CHST12: variants seen among roughly 807,000 people sequenced by gnomAD.
CHST12 encodes the protein carbohydrate (chondroitin 4) sulfotransferase 12.
In CHST12, 23 loss-of-function variants were observed where a neutral mutation model predicts 27.9. That is an observed-to-expected ratio of 0.82 (90% CI 0.59 to 1.17). The LOEUF is 1.17. CHST12 is among the 50% of genes most tolerant of loss of function. The pLI is 0.00. For missense variants in CHST12, 682 were observed against 603.0 expected (o/e 1.13, Z -1.37); for synonymous variants, 322 against 273.0 (o/e 1.18, Z -1.77).
rs1024498599 is a variant in CHST12, at chr7:2,441,505, C to G, written c.*7621C>G. ...CCCAGAAGTTTGAGACCAGTCTGGG[C>G]AACATAGTGGAAACTTGTCTCTCCA... On this transcript the variant is annotated 3_prime_UTR_variant, in exon 2 of 2. Coordinates refer to ENST00000618655, the MANE Select transcript of CHST12 (RefSeq NM_018641.5). The G allele has an allele frequency of 6.6e-6, 1 of 151,938 alleles. No homozygotes were observed. The highest frequency in any genetic ancestry group is 2.4e-5 in the African/African-American group (1 of 41,248). The allele number at this position is 151,938 out of a possible 1,614,324, so 9.4% of individuals were successfully genotyped here. A position where few individuals can be genotyped will look rare whatever the true frequency, so the allele number is the denominator to read the frequency against.
chr7:2,425,227 C>CAA (rs34629622), intron 1 of CHST12, among the ~76,000 whole-genome samples: 156 of 136,904 alleles, frequency 1.1e-3, no homozygotes, highest in Non-Finnish European at 1.6e-3. Context: ...AAACAACAAA[C>CAA]AAAAAAAAAA....
chr7:2,408,218 C>G (rs1781571327), intron 1 of CHST12, among the ~76,000 whole-genome samples: 1 of 151,734 alleles, frequency 6.6e-6, no homozygotes. Flanking sequence ...AAAAATTAGC[C>G]AGGTATGGTG....
chr7:2,440,165 G>C lies in CHST12; in HGVS notation c.*6281G>C, dbSNP rs1484171769. The C allele has an allele frequency of 6.5e-6, 1 of 154,114 alleles. No individual in the cohort carries two copies. The highest frequency in any genetic ancestry group is 1.5e-5 in the Non-Finnish European group (1 of 68,082). 9.5% of individuals were successfully genotyped at this position (154,114 alleles called of 1,614,324 possible). ...CATGCCTGAAATGACTCCCATGGCT[G>C]TCATGGTGCCATCTGGAGAGCATTT... On this transcript the variant is annotated 3_prime_UTR_variant, in exon 2 of 2. Coordinates refer to ENST00000618655, the MANE Select transcript of CHST12 (RefSeq NM_018641.5).
intron 1 of CHST12, among the ~76,000 whole-genome samples, chr7:2,405,893 A>C (rs1781512451): frequency 6.6e-6 from 1 of 152,148 alleles, no homozygotes; most frequent in Admixed American, 6.6e-5. Flanking sequence ...AGCCTGTACA[A>C]GGAGGGAATC....
intron 1 of CHST12, among the ~76,000 whole-genome samples, chr7:2,429,846 G>A (rs1415638414): frequency 6.6e-5 from 10 of 151,946 alleles, no homozygotes; most frequent in South Asian, 4.2e-4. Flanking sequence ...GCAGTGGCAC[G>A]ATCTCGGCTT....
chr7:2,438,157 G>C lies in CHST12; in HGVS notation c.*4273G>C, dbSNP rs1782517792. The C allele has an allele frequency of 6.6e-6, 1 of 152,350 alleles. No homozygotes were observed. The highest frequency in any genetic ancestry group is 1.5e-5 in the Non-Finnish European group (1 of 68,122). 9.4% of individuals were successfully genotyped at this position (152,350 alleles called of 1,614,324 possible). A position where few individuals can be genotyped will look rare whatever the true frequency, so the allele number is the denominator to read the frequency against. On this transcript the variant is annotated 3_prime_UTR_variant, in exon 2 of 2. Transcript: ENST00000618655. ...GGACCCTCCTGAGCTGAGCTGCCCGGGGCACCTGTCCCTGGATGTGAACTG... is the reference window on the plus strand; with the variant it reads ...GGACCCTCCTGAGCTGAGCTGCCCGCGGCACCTGTCCCTGGATGTGAACTG...
Position 2,432,800 on chromosome 7 carries a change from CGGACAG to C in CHST12, c.171_176del (p.Asp57_Arg58del), listed in dbSNP as rs773800932. On this transcript the variant is annotated inframe_deletion, in exon 2 of 2. Transcript: ENST00000618655. ...GGGCCGCCGCTGCCCACGCCCGGGC[CGGACAG>C]GGACAGGGAGCTCACGGCCGACTCC... is the stretch of plus-strand genomic sequence containing the variant. The C allele has an allele frequency of 2.5e-6, 4 of 1,613,744 alleles. No homozygotes were observed. The South Asian group carries it at 3.3e-5, about 13-fold the overall frequency.
chr7:2,443,009 C>T lies in CHST12; in HGVS notation c.*9125C>T, dbSNP rs943303968. Reference sequence around the variant, plus strand: ...TGATCTCGGCTCACTGCAACCCCTGCTTCCTGGGTTCAAGTGGTTCTCCTG... The same window carrying T: ...TGATCTCGGCTCACTGCAACCCCTGTTTCCTGGGTTCAAGTGGTTCTCCTG... On this transcript the variant is annotated 3_prime_UTR_variant, in exon 2 of 2. Transcript: ENST00000618655. 2 of 152,116 alleles carry T rather than the reference C, an allele frequency of 1.3e-5. No individual in the cohort carries two copies. Among genetic ancestry groups the T allele is most frequent in the African/African-American group, 2.4e-5 (1 of 41,434 alleles). 9.4% of individuals were successfully genotyped at this position (152,116 alleles called of 1,614,324 possible).
intron 1 of CHST12, among the ~76,000 whole-genome samples, chr7:2,411,292 A>G (rs1781658157): frequency 6.6e-6 from 1 of 152,024 alleles, no homozygotes; most frequent in African/African-American, 2.4e-5. Context: ...ATGTTGCGCA[A>G]GCTGATCTTG....
At chr7:2,406,282 C>A (rs991875174) in intron 1 of CHST12, among the ~76,000 whole-genome samples, 4 of 151,034 alleles carry the variant, frequency 2.6e-5, no homozygotes, top group Non-Finnish European at 4.4e-5. Context: ...TTACTTCCTG[C>A]TGTTAAGGTG....
Position 2,435,228 on chromosome 7 carries a change from T to C in CHST12, c.*1344T>C, listed in dbSNP as rs1782443747. 1 of 152,236 alleles carries C rather than the reference T, an allele frequency of 6.6e-6. No individual in the cohort carries two copies. The highest frequency in any genetic ancestry group is 2.4e-5 in the African/African-American group (1 of 41,452). The allele number at this position is 152,236 out of a possible 1,614,324, so 9.4% of individuals were successfully genotyped here. On this transcript the variant is annotated 3_prime_UTR_variant, in exon 2 of 2. Transcript: ENST00000618655. ...GAGACTCTGTTTCTAAATAGACAGA[T>C]AGAAGATAGGTAGATAGATAGATTA...
chr7:2,406,275 C>T (rs545073369), intron 1 of CHST12, among the ~76,000 whole-genome samples: 31 of 151,918 alleles, frequency 2.0e-4, no homozygotes, highest in Non-Finnish European at 3.2e-4. Flanking sequence ...CAACTTATTA[C>T]TTCCTGCTGT....
At position 2,433,273 on chromosome 7, in the gene CHST12, G is replaced by A. The variant is rs779780817; in HGVS notation, c.634G>A (p.Ala212Thr). The part of the protein sequence containing the change: ...IPREHVHNAS[A>T]HLTFNKFWRR... ...GCGCGAGCACGTGCACAACGCCAGC[G>A]CGCACCTGACCTTCAACAAGTTCTG... The change falls in exon 2 of 2, where the codon GCG becomes ACG. Residue 212 changes from alanine to threonine, a missense_variant. Transcript: ENST00000618655. This position sits in a 1 kb window ranked among gnomAD's most constrained non-coding sequence, Gnocchi z 6.1. 6.8e-6 allele frequency: 11 copies of A among 1,611,882 alleles called. No homozygotes were observed. The highest frequency in any genetic ancestry group is 2.2e-5 in the East Asian group (1 of 44,814).
chr7:2,415,343 T>C (rs1781775309), intron 1 of CHST12, among the ~76,000 whole-genome samples: 1 of 149,930 alleles, frequency 6.7e-6, no homozygotes, highest in Admixed American at 6.7e-5. Flanking sequence ...CCAGCCTGGA[T>C]GACAACAGCG....
intron 1 of CHST12, among the ~76,000 whole-genome samples, chr7:2,422,622 G>A (rs982745285): frequency 9.9e-5 from 15 of 151,474 alleles, no homozygotes; most frequent in Non-Finnish European, 2.2e-4. Flanking sequence ...TGCAAACTGC[G>A]ACTCCCGGGT....
chr7:2,429,578 T>G (rs1016000195), intron 1 of CHST12, among the ~76,000 whole-genome samples: 4 of 152,178 alleles, frequency 2.6e-5, no homozygotes, highest in Non-Finnish European at 5.9e-5. Flanking sequence ...TTTCTTTAAT[T>G]AGTATAGGAT....
At chr7:2,409,871 G>C (rs1432228106) in intron 1 of CHST12, among the ~76,000 whole-genome samples, 1 of 152,134 alleles carries the variant, frequency 6.6e-6, no homozygotes, top group Non-Finnish European at 1.5e-5. Flanking sequence ...TCCTTGCTCT[G>C]ATTTCCTCTT....
chr7:2,423,482 G>A (rs769611030), intron 1 of CHST12, among the ~76,000 whole-genome samples: 5 of 152,108 alleles, frequency 3.3e-5, no homozygotes, highest in Non-Finnish European at 5.9e-5. Context: ...TGATGCTCAC[G>A]TTTTCGTGAT....
At chr7:2,405,615 T>C (rs1055959247) in intron 1 of CHST12, among the ~76,000 whole-genome samples, 2 of 151,914 alleles carry the variant, frequency 1.3e-5, no homozygotes, top group Non-Finnish European at 1.5e-5. Flanking sequence ...CTGAGTTGAG[T>C]AGCCTTGTGG....
Sources: gnomAD v4.1 joint callset for allele counts (sites outside exome capture counted in the v4.1 genomes callset) on GRCh38, gnomAD v4.1.1 for gene constraint, Gnocchi (gnomAD v3.1) non-coding constraint, MANE v1.5 for transcripts, NCBI Gene and HGNC (gene_info 2026-07-23, HGNC 2026-07-21) for gene names.